WASF2: variants seen among roughly 807,000 people sequenced by gnomAD.
WASF2 encodes actin-binding protein WASF2.
In WASF2, 14 loss-of-function variants were observed where a neutral mutation model predicts 45.0. That is an observed-to-expected ratio of 0.31 (90% CI 0.21 to 0.49). WASF2 has a LOEUF of 0.49. Ranked by LOEUF, WASF2 falls within the 20% of genes least tolerant of loss-of-function variation. WASF2 has a pLI of 0.99. For missense variants in WASF2, 439 were observed against 636.1 expected, an observed-to-expected ratio of 0.69 and a Z score of 3.33; for synonymous variants, 200 against 236.3, an observed-to-expected ratio of 0.85 and a Z score of 1.41.
At chr1:27,458,411 T>C (rs1028368280) in intron 1 of WASF2, among the ~76,000 whole-genome samples, 19 of 152,050 alleles carry the variant, frequency 1.2e-4, no homozygotes, top group African/African-American at 4.6e-4. Flanking sequence ...ATTTTATTAT[T>C]TTAATAGTTC....
chr1:27,472,650 CAA>C (rs1206351562), intron 1 of WASF2, among the ~76,000 whole-genome samples: 9 of 59,230 alleles, frequency 1.5e-4, no homozygotes, highest in Admixed American at 4.6e-4. Flanking sequence ...ACCCCGTCTC[CAA>C]AAAAAAAAAA....
Position 27,414,213 on chromosome 1 carries a change from T to G in WASF2, c.668+620A>C, listed in dbSNP as rs1349716054. ...ATCAAACCAAGCTTTAAAACCATCT[T>G]TTTCCCCCTTTAAACCTCCAGTGTG... On this transcript the variant is annotated intron_variant, in intron 6 of 8. Transcript: ENST00000618852. The surrounding 1 kb of genome is among the most constrained non-coding windows in gnomAD (Gnocchi z 4.1). Among the ~76,000 whole-genome samples the G allele has an allele frequency of 2.0e-5, 3 of 152,176 alleles. No individual in the cohort carries two copies. The highest frequency in any genetic ancestry group is 7.2e-5 in the African/African-American group (3 of 41,436).
In WASF2 at chr1:27,405,598, CCTT is replaced by C. The variant is rs2016659019; in HGVS notation, c.*2588_*2590del. ...TTAAAGGGCTCTGGGTCTAAAGAAGCCTTTTTTTTTTTTTTTTTTTTTTTTTTT... is the reference window on the plus strand; with the variant it reads ...TTAAAGGGCTCTGGGTCTAAAGAAGCTTTTTTTTTTTTTTTTTTTTTTTTT... On this transcript the variant is annotated 3_prime_UTR_variant, in exon 9 of 9. Coordinates refer to ENST00000618852, the MANE Select transcript of WASF2 (RefSeq NM_006990.5). 4 of 92,778 alleles carry C rather than the reference CCTT, an allele frequency of 4.3e-5. No homozygotes were observed. The highest frequency in any genetic ancestry group is 1.7e-4 in the African/African-American group (4 of 23,886). The allele number at this position is 92,778 out of a possible 1,614,324, so 5.7% of individuals were successfully genotyped here. A position where few individuals can be genotyped will look rare whatever the true frequency, so the allele number is the denominator to read the frequency against.
intron 1 of WASF2, among the ~76,000 whole-genome samples, chr1:27,441,960 GCT>G (rs1414679835): frequency 6.7e-6 from 1 of 148,620 alleles, no homozygotes; most frequent in Admixed American, 6.8e-5. Context: ...GAAAAACTCA[GCT>G]GAGTGCAGTG....
chr1:27,480,470 T>C (rs951228685), intron 1 of WASF2, among the ~76,000 whole-genome samples: 31 of 151,086 alleles, frequency 2.1e-4, no homozygotes, highest in African/African-American at 7.5e-4. Flanking sequence ...TGAGATTAGA[T>C]AGCACCACTG....
chr1:27,459,665 A>T (rs759638689), intron 1 of WASF2: 8 of 152,082 alleles, frequency 5.3e-5, no homozygotes, highest in Non-Finnish European at 1.2e-4. Flanking sequence ...TTAGTGGTTT[A>T]AAAAAAACTT....
chr1:27,469,129 T>C (rs1317830181), intron 1 of WASF2, among the ~76,000 whole-genome samples: 1 of 152,112 alleles, frequency 6.6e-6, no homozygotes, highest in Non-Finnish European at 1.5e-5. Context: ...GTCTCTTTAT[T>C]TTTTACAGCT....
In WASF2 at chr1:27,469,218, T is replaced by C. The variant is rs192581494; in HGVS notation, c.-44+20768A>G. Among the ~76,000 whole-genome samples the C allele has an allele frequency of 1.2e-4, 18 of 152,252 alleles. No individual in the cohort carries two copies. The East Asian group carries it at 2.3e-3, about 20-fold the overall frequency. On this transcript the variant is annotated intron_variant, in intron 1 of 8. Coordinates refer to ENST00000618852, the MANE Select transcript of WASF2 (RefSeq NM_006990.5). ...GATCTAAGGGGGATGAGGGAACGAA[T>C]AGGGGTATGGATGAAACAAGACTGA... is the stretch of plus-strand genomic sequence containing the variant.
chr1:27,414,908 G>A lies in WASF2; in HGVS notation c.593C>T (p.Thr198Ile). The change falls in exon 6 of 9, where the codon ACA (threonine) becomes ATA (isoleucine). Residue 198 changes from threonine (T) to isoleucine (I), a missense_variant. This residue lies in a region of WASF2 where 23 missense variants were observed against 69.7 expected (regional missense o/e 0.33). Coordinates refer to ENST00000618852, the MANE Select transcript of WASF2 (RefSeq NM_006990.5). The surrounding 1 kb of genome is among the most constrained non-coding windows in gnomAD (Gnocchi z 4.1). ...RGNVNPRKIK[T>I]RKEEWEKMKM... ...CATTTTCTCCCACTCTTCCTTACGT[G>A]TCTTGATTTTACGTGGGTTTACATT... 6.2e-7 allele frequency: 1 copy of A among 1,614,082 alleles called. No homozygotes were observed. The highest frequency in any genetic ancestry group is 2.2e-5 in the East Asian group (1 of 44,890).
chr1:27,482,504 G>C (rs760657849), intron 1 of WASF2, among the ~76,000 whole-genome samples: 52 of 152,170 alleles, frequency 3.4e-4, no homozygotes, highest in Non-Finnish European at 6.2e-4. Flanking sequence ...AAACTTTTCA[G>C]CTATGAGCTT....
chr1:27,433,712 A>C (rs2017096230), intron 1 of WASF2, among the ~76,000 whole-genome samples: 6 of 152,254 alleles, frequency 3.9e-5, no homozygotes, highest in Admixed American at 3.9e-4. Flanking sequence ...TGGCAGTTGC[A>C]GGGGTGAGTC....
intron 1 of WASF2, among the ~76,000 whole-genome samples, chr1:27,449,908 C>G (rs184784231): frequency 1.3e-5 from 2 of 152,252 alleles, no homozygotes; most frequent in East Asian, 3.9e-4. Flanking sequence ...CTTTGGGAGG[C>G]TGAGGTGGGC....
intron 1 of WASF2, among the ~76,000 whole-genome samples, chr1:27,485,496 T>C (rs896265641): frequency 6.6e-6 from 1 of 152,162 alleles, no homozygotes; most frequent in Non-Finnish European, 1.5e-5. Flanking sequence ...AGGGTGTCAT[T>C]CTAAAATTTC....
chr1:27,427,609 A>G (rs2017003725), intron 2 of WASF2, among the ~76,000 whole-genome samples: 1 of 152,178 alleles, frequency 6.6e-6, no homozygotes, highest in African/African-American at 2.4e-5. Flanking sequence ...GCCCTGGATC[A>G]ACTGAGATGA....
chr1:27,467,728 C>T (rs1359092087), intron 1 of WASF2, among the ~76,000 whole-genome samples: 2 of 151,204 alleles, frequency 1.3e-5, no homozygotes, highest in African/African-American at 2.4e-5. Flanking sequence ...CTGGCTGACA[C>T]GGTGAGACTC....
chr1:27,436,312 G>A (rs2017137440), intron 1 of WASF2, among the ~76,000 whole-genome samples: 1 of 152,046 alleles, frequency 6.6e-6, no homozygotes, highest in African/African-American at 2.4e-5. Flanking sequence ...TGGGTGTAGT[G>A]GCATGCGGCT....
intron 1 of WASF2, among the ~76,000 whole-genome samples, chr1:27,464,464 G>A (rs1395147788): frequency 6.6e-6 from 1 of 151,810 alleles, no homozygotes; most frequent in Non-Finnish European, 1.5e-5. Flanking sequence ...CTTACAATTA[G>A]TCTGTGAGGT....
chr1:27,455,636 T>C (rs984640123), intron 1 of WASF2, among the ~76,000 whole-genome samples: 23 of 152,326 alleles, frequency 1.5e-4, no homozygotes, highest in African/African-American at 5.5e-4. Context: ...ACAGAAGCCC[T>C]GCACTCCAAT....
intron 1 of WASF2, among the ~76,000 whole-genome samples, chr1:27,465,780 T>C (rs533639268): frequency 6.6e-6 from 1 of 152,306 alleles, no homozygotes; most frequent in Non-Finnish European, 1.5e-5. Context: ...AGGGAGCTAA[T>C]AATGTGGTCT....
Sources: allele counts gnomAD v4.1 joint callset (sites outside exome capture counted in the v4.1 genomes callset), GRCh38; gene constraint gnomAD v4.1.1; regional missense constraint gnomAD v4.1.1; non-coding constraint Gnocchi (gnomAD v3.1); transcripts MANE v1.5; gene names NCBI Gene and HGNC (gene_info 2026-07-23, HGNC 2026-07-21).